Variants in WBP4 observed in about 807,000 individuals in gnomAD.
WBP4 encodes the protein WW domain binding protein 4.
In WBP4, 37 loss-of-function variants were observed where a neutral mutation model predicts 55.4. That is an observed-to-expected ratio of 0.67 (90% confidence interval 0.51 to 0.88). The LOEUF (loss-of-function observed/expected upper bound fraction) is 0.88. WBP4 is among the 40% of genes least tolerant of loss of function. The pLI is 0.00. For synonymous variants in WBP4, 142 were observed against 140.2 expected, an observed-to-expected ratio of 1.01 and a Z score of -0.09; for missense variants, 398 against 420.8, an observed-to-expected ratio of 0.95 and a Z score of 0.47.
At chr13:41,072,308 T>TC (rs1317114034) in intron 6 of WBP4, among the ~76,000 whole-genome samples, 2 of 152,154 alleles carry the variant, frequency 1.3e-5, no homozygotes, top group East Asian at 3.8e-4. Flanking sequence ...AAGAAATACT[T>TC]CTGAAACTAG....
chr13:41,065,480 T>A (rs1399462673), intron 4 of WBP4, among the ~76,000 whole-genome samples, 193 bp downstream of exon 4: 1 of 152,168 alleles, frequency 6.6e-6, no homozygotes, highest in South Asian at 2.1e-4. Context: ...TTTAATGTTT[T>A]ATCTTTTAAC....
intron 7 of WBP4, among the ~76,000 whole-genome samples, chr13:41,075,423 C>A (rs1000167851): frequency 8.5e-5 from 13 of 152,240 alleles, no homozygotes; most frequent in Admixed American, 8.5e-4. Flanking sequence ...GCTCTGTCCC[C>A]CAGACTGGAG....
intron 8 of WBP4, among the ~76,000 whole-genome samples, chr13:41,079,541 C>CAAAAAAA (rs35433682): frequency 2.0e-5 from 2 of 101,696 alleles, no homozygotes; most frequent in African/African-American, 3.8e-5. Flanking sequence ...GACTCCGTCT[C>CAAAAAAA]AAAAAAAAAA....
At chr13:41,063,289 A>G (rs1018529998) in intron 2 of WBP4, among the ~76,000 whole-genome samples, 7 of 152,192 alleles carry the variant, frequency 4.6e-5, no homozygotes, top group African/African-American at 1.2e-4. Flanking sequence ...CCCCTCTTGC[A>G]TGTCAAAATA....
rs756528918 is a variant in WBP4 at position 41,062,641 on chromosome 13, C to T, written c.3-3C>T. 2.5e-6 allele frequency: 4 copies of T among 1,612,506 alleles called. No individual in the cohort carries two copies. The highest frequency in any genetic ancestry group is 2.2e-5 in the South Asian group (2 of 90,812). The stretch of plus-strand genomic sequence containing the variant: ...GCTTAGCCTTGTTGTCTCTCTTTTT[C>T]AGGGCGGACTACTGGAAGTCACAGC... On this transcript the variant is annotated splice_polypyrimidine_tract_variant and splice_region_variant and intron_variant, in intron 1 of 9. Transcript: ENST00000379487.
chr13:41,066,460 G>A (rs996409604), intron 4 of WBP4, among the ~76,000 whole-genome samples: 2 of 151,910 alleles, frequency 1.3e-5, no homozygotes, highest in Admixed American at 6.5e-5. Context: ...CTATTTGCCG[G>A]TTGTTTTATT....
intron 4 of WBP4, among the ~76,000 whole-genome samples, chr13:41,065,579 G>A (rs1050327955): frequency 6.6e-6 from 1 of 152,108 alleles, no homozygotes; most frequent in Non-Finnish European, 1.5e-5. Flanking sequence ...GACACTTTGA[G>A]TTTTTTAGGT....
intron 7 of WBP4, among the ~76,000 whole-genome samples, chr13:41,074,265 A>G (rs1412828040): frequency 6.6e-6 from 1 of 152,246 alleles, no homozygotes; most frequent in East Asian, 1.9e-4. Flanking sequence ...ATCTAATTTA[A>G]CATCATAAAC....
At chr13:41,077,873 A>G (rs1593433219) in intron 8 of WBP4, among the ~76,000 whole-genome samples, 1 of 152,160 alleles carries the variant, frequency 6.6e-6, no homozygotes, top group Non-Finnish European at 1.5e-5. Context: ...CGAGAACCAA[A>G]TAAAAAACTC....
At chr13:41,068,170 G>A (rs1283774478) in intron 4 of WBP4, among the ~76,000 whole-genome samples, 1 of 151,978 alleles carries the variant, frequency 6.6e-6, no homozygotes, top group Non-Finnish European at 1.5e-5. Flanking sequence ...GTACCCAGTA[G>A]GTAATTTGAA....
chr13:41,076,752 G>C (rs928295991), intron 8 of WBP4, among the ~76,000 whole-genome samples: 1 of 152,182 alleles, frequency 6.6e-6, no homozygotes, highest in Non-Finnish European at 1.5e-5. Flanking sequence ...GTTGGCCTGA[G>C]AAATGTAGGA....
intron 8 of WBP4, among the ~76,000 whole-genome samples, chr13:41,077,374 C>G (rs1407729258): frequency 1.3e-5 from 2 of 152,150 alleles, no homozygotes; most frequent in Non-Finnish European, 2.9e-5. Context: ...TGCCTGTAAT[C>G]TCAGCACTTT....
At chr13:41,065,322 GT>G (rs1307627033) in intron 4 of WBP4, 35 bp downstream of exon 4, 4 of 1,483,148 alleles carry the variant, frequency 2.7e-6, no homozygotes, top group Non-Finnish European at 2.7e-6. Flanking sequence ...CAGCCAGCAT[GT>G]TTTAAAAGTA....
In WBP4 at chr13:41,083,219, A is replaced by T. The variant is rs1878862498; in HGVS notation, c.*305A>T. The T allele has an allele frequency of 8.3e-6, 2 of 240,568 alleles. No homozygotes were observed. Among genetic ancestry groups the T allele is most frequent in the Non-Finnish European group, 1.6e-5 (2 of 121,944 alleles). 14.9% of individuals were successfully genotyped at this position (240,568 alleles called of 1,614,324 possible). On this transcript the variant is annotated 3_prime_UTR_variant, in exon 10 of 10. Coordinates refer to ENST00000379487, the MANE Select transcript of WBP4 (RefSeq NM_007187.5). ...CATGGAGAAACAGGGCCTTTATTCC[A>T]TTCATATTCATAAGAGCATATTTAT...
chr13:41,061,523 C>A lies in WBP4; in HGVS notation c.-151C>A. On this transcript the variant is annotated 5_prime_UTR_variant, in exon 1 of 10. Transcript: ENST00000379487. ...TCTGGGCACCCGTAGTTGGGAACAG[C>A]GGAACGCTGGTCCCGGGGACTGAGT... The A allele has an allele frequency of 8.0e-7, 1 of 1,254,978 alleles. No homozygotes were observed. The highest frequency in any genetic ancestry group is 1.1e-6 in the Non-Finnish European group (1 of 885,900). 77.7% of individuals were successfully genotyped at this position (1,254,978 alleles called of 1,614,324 possible).
Position 41,061,576 on chromosome 13 carries a change from G to T in WBP4, c.-98G>T. ...GGTGTCTGGATCGGAGGGAGGTTCGGGTGGGCATCGGGCGGCTGGAAGAGC... is the reference window on the plus strand; with the variant it reads ...GGTGTCTGGATCGGAGGGAGGTTCGTGTGGGCATCGGGCGGCTGGAAGAGC... On this transcript the variant is annotated 5_prime_UTR_variant, in exon 1 of 10. Coordinates refer to ENST00000379487, the MANE Select transcript of WBP4 (RefSeq NM_007187.5). The T allele has an allele frequency of 6.3e-7, 1 of 1,589,494 alleles. No homozygotes were observed. The highest frequency in any genetic ancestry group is 8.6e-7 in the Non-Finnish European group (1 of 1,160,742).
At chr13:41,065,675 A>C (rs1215176064) in intron 4 of WBP4, among the ~76,000 whole-genome samples, 1 of 152,154 alleles carries the variant, frequency 6.6e-6, no homozygotes, top group Non-Finnish European at 1.5e-5. Flanking sequence ...ATATGGTGAA[A>C]ATTATGAGTC....
At chr13:41,078,417 C>T (rs1361048837) in intron 8 of WBP4, among the ~76,000 whole-genome samples, 2 of 152,120 alleles carry the variant, frequency 1.3e-5, no homozygotes, top group Non-Finnish European at 2.9e-5. Flanking sequence ...AATAAATGAT[C>T]CTGGGAAAAC....
chr13:41,062,791 G>A lies in WBP4; in HGVS notation c.75+75G>A. 7.2e-6 allele frequency: 10 copies of A among 1,385,790 alleles called. No homozygotes were observed. In the South Asian group the frequency reaches 1.0e-4, roughly 15 times the overall value. 85.8% of individuals were successfully genotyped at this position (1,385,790 alleles called of 1,614,324 possible). A position where few individuals can be genotyped will look rare whatever the true frequency, so the allele number is the denominator to read the frequency against. ...AGTGCTCCTTTTTGATGTAAACTCAGTTTACAAAGCACTTTTATGTACATT... is the reference window on the plus strand; with the variant it reads ...AGTGCTCCTTTTTGATGTAAACTCAATTTACAAAGCACTTTTATGTACATT... On this transcript the variant is annotated intron_variant, in intron 2 of 9. Transcript: ENST00000379487.
Sources: allele counts gnomAD v4.1 joint callset (sites outside exome capture counted in the v4.1 genomes callset), GRCh38; gene constraint gnomAD v4.1.1; transcripts MANE v1.5; gene names NCBI Gene and HGNC (gene_info 2026-07-23, HGNC 2026-07-21).